Variants in CDH8 observed in about 807,000 individuals in gnomAD.
The protein encoded by CDH8 is cadherin-8.
CDH8 carries 17 observed loss-of-function variants against 68.1 expected under a neutral mutation model. The observed-to-expected ratio is 0.25, with a 90% CI of 0.17 to 0.37. CDH8 has a LOEUF of 0.37. Among genes scored for constraint, CDH8 ranks in the 10% least tolerant of loss-of-function variants. The pLI is 1.00. For synonymous variants in CDH8, 372 were observed against 365.1 expected, an observed-to-expected ratio of 1.02 and a Z score of -0.21; for missense variants, 763 against 999.3, an observed-to-expected ratio of 0.76 and a Z score of 3.19.
At chr16:61,795,717 G>A (rs1961482191) in intron 7 of CDH8, among the ~76,000 whole-genome samples, 1 of 152,062 alleles carries the variant, frequency 6.6e-6, no homozygotes, top group African/African-American at 2.4e-5. Context: ...GGGAAAGACA[G>A]AATTCTTTAT....
intron 2 of CDH8, among the ~76,000 whole-genome samples, chr16:61,990,942 CAGAG>C (rs536187295): frequency 9.1e-4 from 129 of 142,158 alleles, no homozygotes; most frequent in African/African-American, 2.1e-3. Context: ...AAGAAAGAAA[CAGAG>C]AGAGAGAAAA....
intron 10 of CDH8, among the ~76,000 whole-genome samples, chr16:61,690,091 G>A (rs1233768894): frequency 6.6e-6 from 1 of 152,028 alleles, no homozygotes; most frequent in Non-Finnish European, 1.5e-5. Flanking sequence ...TTGAACATAT[G>A]TTGAATAGTG....
intron 2 of CDH8, among the ~76,000 whole-genome samples, chr16:61,934,552 T>C (rs1175853512): frequency 2.6e-5 from 4 of 152,212 alleles, no homozygotes; most frequent in Non-Finnish European, 5.9e-5. Context: ...TTTATTACAG[T>C]ATTTTAGATG....
chr16:61,841,495 C>T (rs755706705), intron 4 of CDH8, among the ~76,000 whole-genome samples: 3 of 151,970 alleles, frequency 2.0e-5, no homozygotes, highest in Non-Finnish European at 2.9e-5. Context: ...AACTCATGAA[C>T]ATAATGGTTA....
Position 61,653,435 on chromosome 16 carries a change from A to G in CDH8, c.*173T>C. Reference sequence around the variant, plus strand: ...CAAGATTTATAACCTCCTAACATATACTTTTTTATTTTATTATCTTTTTTT... The same window carrying G: ...CAAGATTTATAACCTCCTAACATATGCTTTTTTATTTTATTATCTTTTTTT... On this transcript the variant is annotated 3_prime_UTR_variant, in exon 12 of 12. Coordinates refer to ENST00000577390, the MANE Select transcript of CDH8 (RefSeq NM_001796.5). 11 of 1,413,172 alleles carry G rather than the reference A, an allele frequency of 7.8e-6. No individual in the cohort carries two copies. Among genetic ancestry groups the G allele is most frequent in the Non-Finnish European group, 9.2e-6 (10 of 1,085,452 alleles). The allele number at this position is 1,413,172 out of a possible 1,614,324, so 87.5% of individuals were successfully genotyped here.
intron 10 of CDH8, among the ~76,000 whole-genome samples, chr16:61,702,377 AAG>A: frequency 6.8e-6 from 1 of 146,908 alleles, no homozygotes; most frequent in Non-Finnish European, 1.5e-5. Context: ...GTCTCAAAAA[AAG>A]AAAAAAAAAA....
rs115901637 is a variant in CDH8, at chr16:61,990,793, C to T, written c.252+30359G>A. ...GAGTTATGATCATGCCCCTGTACTC[C>T]AGCCTGGGTAACTGATTGAGACCCC... On this transcript the variant is annotated intron_variant, in intron 2 of 11. Transcript: ENST00000577390. 5.2e-3 allele frequency among the ~76,000 whole-genome samples: 773 copies of T among 148,860 alleles called. 5 individuals are homozygous for T. Among genetic ancestry groups the T allele is most frequent in the African/African-American group, 0.018 (740 of 40,636 alleles).
intron 8 of CDH8, among the ~76,000 whole-genome samples, chr16:61,749,709 C>T (rs576210525): frequency 3.2e-4 from 48 of 152,030 alleles, no homozygotes; most frequent in Middle Eastern, 3.4e-3. Context: ...TATTTGTCCC[C>T]GTTTTATTTT....
At chr16:61,856,541 G>C (rs897266651) in intron 4 of CDH8, among the ~76,000 whole-genome samples, 1 of 152,040 alleles carries the variant, frequency 6.6e-6, no homozygotes, top group Admixed American at 6.6e-5. Context: ...CAGGGTATTA[G>C]CTGGATTTAA....
chr16:61,946,260 G>T (rs1964799850), intron 2 of CDH8, among the ~76,000 whole-genome samples: 1 of 152,130 alleles, frequency 6.6e-6, no homozygotes, highest in South Asian at 2.1e-4. Context: ...TCTGGCCTAA[G>T]ATCCTTCAGA....
intron 8 of CDH8, among the ~76,000 whole-genome samples, chr16:61,732,722 TA>T: frequency 6.6e-6 from 1 of 151,998 alleles, no homozygotes; most frequent in East Asian, 1.9e-4. Context: ...ATTATGCCCT[TA>T]TAAAAGACTG....
chr16:62,021,380 C>A lies in CDH8; in HGVS notation c.24G>T (p.Met8Ile). The A allele has an allele frequency of 1.2e-6, 2 of 1,611,078 alleles. No individual in the cohort carries two copies. The highest frequency in any genetic ancestry group is 8.5e-7 in the Non-Finnish European group (1 of 1,177,768). Reference protein sequence around the residue: MPERLAEMLLDLWTPLII... With the variant: MPERLAEILLDLWTPLII... ...TTAATGGAGTCCAGAGATCCAAGAG[C>A]ATTTCCGCTAGCCGTTCTGGCATGG... The change falls in exon 2 of 12, where the codon ATG (methionine) becomes ATT (isoleucine). Residue 8 changes from methionine (M) to isoleucine (I), a missense_variant. By Grantham distance (10) the Met-to-Ile change is conservative (BLOSUM62 1). Around this residue, in one of 2 missense-constraint regions of CDH8, gnomAD observed 366 missense variants for 563.1 expected, o/e 0.65. Transcript: ENST00000577390.
At chr16:61,947,158 C>T (rs1430239012) in intron 2 of CDH8, among the ~76,000 whole-genome samples, 1 of 121,178 alleles carries the variant, frequency 8.3e-6, no homozygotes, top group Non-Finnish European at 1.8e-5. Flanking sequence ...TTATTTAATT[C>T]TATACATGAA....
intron 8 of CDH8, among the ~76,000 whole-genome samples, chr16:61,769,044 T>C (rs1396347799): frequency 2.0e-5 from 3 of 151,760 alleles, no homozygotes; most frequent in Non-Finnish European, 4.4e-5. Flanking sequence ...CACACAAGAA[T>C]ATAGAAGCAC....
chr16:61,856,204 T>A (rs1216416127), intron 4 of CDH8, among the ~76,000 whole-genome samples: 1 of 152,108 alleles, frequency 6.6e-6, no homozygotes, highest in East Asian at 1.9e-4. Context: ...AATATATGTA[T>A]ATGTGCCTGT....
chr16:61,648,751 C>T lies in CDH8; in HGVS notation c.*4857G>A, dbSNP rs1158527897. 6.6e-6 allele frequency: 1 copy of T among 151,836 alleles called. No individual in the cohort carries two copies. The highest frequency in any genetic ancestry group is 1.5e-5 in the Non-Finnish European group (1 of 67,842). The allele number at this position is 151,836 out of a possible 1,614,324, so 9.4% of individuals were successfully genotyped here. The stretch of plus-strand genomic sequence containing the variant: ...CTTAATTTCTGTACTGATAGATACT[C>T]AATAAATGTGACAGACAAAATTCTT... On this transcript the variant is annotated 3_prime_UTR_variant, in exon 12 of 12. Coordinates refer to ENST00000577390, the MANE Select transcript of CDH8 (RefSeq NM_001796.5).
In CDH8 at chr16:61,999,432, C is replaced by A. The variant is rs539673523; in HGVS notation, c.252+21720G>T. 7.2e-5 allele frequency among the ~76,000 whole-genome samples: 11 copies of A among 152,208 alleles called. No individual in the cohort carries two copies. In the South Asian group the frequency reaches 2.3e-3, roughly 32 times the overall value. On this transcript the variant is annotated intron_variant, in intron 2 of 11. Coordinates refer to ENST00000577390, the MANE Select transcript of CDH8 (RefSeq NM_001796.5). ...TCATGAAAATCATGGAAGTCACAGG[C>A]TACTTCCACACAGAGAGCACGAAGA...
chr16:62,017,791 C>A (rs772365604), intron 2 of CDH8, among the ~76,000 whole-genome samples: 13 of 152,140 alleles, frequency 8.5e-5, no homozygotes, highest in Non-Finnish European at 1.5e-4. Context: ...TACTCTCTCC[C>A]CAGTGACTTT....
chr16:61,829,199 A>G (rs1962403623), intron 4 of CDH8, among the ~76,000 whole-genome samples: 1 of 151,774 alleles, frequency 6.6e-6, no homozygotes, highest in Non-Finnish European at 1.5e-5. Flanking sequence ...CACTCAGGTT[A>G]TTATTTAGAG....
Sources: gnomAD v4.1 joint callset for allele counts (sites outside exome capture counted in the v4.1 genomes callset) on GRCh38, gnomAD v4.1.1 for gene constraint, gnomAD v4.1.1 regional missense constraint, MANE v1.5 for transcripts, NCBI Gene and HGNC (gene_info 2026-07-23, HGNC 2026-07-21) for gene names.